Variants in LAMA2 observed in about 807,000 individuals in gnomAD.
LAMA2 encodes laminin subunit alpha 2.
Under a neutral mutation model 364.8 loss-of-function variants are expected in LAMA2, and 269 were observed. That is an observed-to-expected ratio of 0.74 (90% CI 0.67 to 0.82). The LOEUF (loss-of-function observed/expected upper bound fraction) is 0.82. Among genes scored for constraint, LAMA2 ranks in the 40% least tolerant of loss-of-function variants. The pLI, the probability that LAMA2 is intolerant of heterozygous loss-of-function variation, is 0.00. For missense variants in LAMA2, 3,807 were observed against 3,873.2 expected (o/e 0.98, Z 0.45); for synonymous variants, 1,379 against 1,370.6 (o/e 1.01, Z -0.14).
chr6:129,418,094 A>G (rs1405595015), intron 40 of LAMA2, among the ~76,000 whole-genome samples: 1 of 152,102 alleles, frequency 6.6e-6, no homozygotes. Flanking sequence ...ACAGGCTGAC[A>G]CTGCCATTAC....
rs121913577 is a variant in LAMA2 at position 129,297,729 on chromosome 6, C to A, written c.2901C>A (p.Cys967Ter). The A allele has an allele frequency of 4.3e-6, 7 of 1,614,108 alleles. No homozygotes were observed. The highest frequency in any genetic ancestry group is 5.9e-6 in the Non-Finnish European group (7 of 1,179,988). Residue 967 changes from cysteine (C) to a stop codon, truncating the protein, a stop_gained, in exon 21 of 65, where the codon TGC becomes TGA. Transcript: ENST00000421865. LOFTEE classifies it high-confidence loss of function. ...AATCAGCAAGGGGCTGTGTTCCCTG[C>A]AACTGCAATTCTTTTGGGTCTAAGT... is the stretch of plus-strand genomic sequence containing the variant. ...GLQSARGCVP[C>*]NCNSFGSKSF...
chr6:129,017,123 TTAAAA>T (rs1785129744), intron 1 of LAMA2, among the ~76,000 whole-genome samples: 2 of 152,070 alleles, frequency 1.3e-5, no homozygotes, highest in African/African-American at 4.8e-5. Context: ...ACTTAAAGAA[TTAAAA>T]TAAAACTCTT....
chr6:129,288,869 A>G (rs928605644), intron 19 of LAMA2, among the ~76,000 whole-genome samples: 1 of 152,192 alleles, frequency 6.6e-6, no homozygotes, highest in African/African-American at 2.4e-5. Context: ...ATGTTTAAGC[A>G]GAGTAGGTTA....
chr6:129,146,834 G>A (rs908225247), intron 5 of LAMA2, 125 bp from the exon 6 acceptor site: 2 of 738,186 alleles, frequency 2.7e-6, no homozygotes, highest in Non-Finnish European at 4.9e-6. Flanking sequence ...TTGTCCTCAA[G>A]AAACACAAAT....
intron 29 of LAMA2, among the ~76,000 whole-genome samples, chr6:129,328,956 C>T (rs1775463072): frequency 6.6e-6 from 1 of 152,060 alleles, no homozygotes; most frequent in African/African-American, 2.4e-5. Context: ...TTTGGATGTC[C>T]CATAATTTAC....
At chr6:129,354,185 A>T (rs1777025893) in intron 32 of LAMA2, among the ~76,000 whole-genome samples, 1 of 152,182 alleles carries the variant, frequency 6.6e-6, no homozygotes, top group African/African-American at 2.4e-5. Flanking sequence ...GTTTGAGTCT[A>T]AATCTTAATA....
chr6:129,042,541 C>T (rs1045351770), intron 1 of LAMA2, among the ~76,000 whole-genome samples: 1 of 151,522 alleles, frequency 6.6e-6, no homozygotes, highest in Admixed American at 6.6e-5. Context: ...TAAATTATCA[C>T]CCCGTGTAAC....
intron 16 of LAMA2, among the ~76,000 whole-genome samples, chr6:129,270,001 G>A (rs553327461): frequency 6.6e-6 from 1 of 152,164 alleles, no homozygotes; most frequent in Admixed American, 6.6e-5. Flanking sequence ...AAATTGGCAC[G>A]TGATGTTTAA....
At chr6:129,163,528 G>A (rs866581740) in intron 8 of LAMA2, among the ~76,000 whole-genome samples, 1 of 152,102 alleles carries the variant, frequency 6.6e-6, no homozygotes, top group South Asian at 2.1e-4. Flanking sequence ...CACCTACTCA[G>A]GAGACTGAGG....
chr6:128,916,292 C>A (rs925350037), intron 1 of LAMA2, among the ~76,000 whole-genome samples: 2 of 152,130 alleles, frequency 1.3e-5, no homozygotes, highest in Non-Finnish European at 2.9e-5. Context: ...TTAGTCCTTG[C>A]CAATTTTTTT....
intron 4 of LAMA2, among the ~76,000 whole-genome samples, chr6:129,109,558 T>C (rs1776021845): frequency 6.6e-6 from 1 of 152,004 alleles, no homozygotes; most frequent in Non-Finnish European, 1.5e-5. Context: ...AATTATATTT[T>C]TGGAACATAG....
chr6:129,511,041 A>G (rs1269354016), intron 62 of LAMA2, among the ~76,000 whole-genome samples: 4 of 152,102 alleles, frequency 2.6e-5, no homozygotes, highest in Non-Finnish European at 5.9e-5. Context: ...TTGACTTGCC[A>G]TCCTGCCTGG....
At chr6:129,128,758 G>A (rs1164788170) in intron 4 of LAMA2, among the ~76,000 whole-genome samples, 1 of 151,956 alleles carries the variant, frequency 6.6e-6, no homozygotes, top group Non-Finnish European at 1.5e-5. Flanking sequence ...CTTTTTTATA[G>A]CTATTGTAAA....
At chr6:128,987,977 T>A (rs1783372291) in intron 1 of LAMA2, among the ~76,000 whole-genome samples, 2 of 152,128 alleles carry the variant, frequency 1.3e-5, no homozygotes, top group South Asian at 4.1e-4. Flanking sequence ...TGGATTCAAG[T>A]GATTCTCCTC....
intron 12 of LAMA2, among the ~76,000 whole-genome samples, chr6:129,205,408 AAAG>A (rs1388340221): frequency 6.6e-6 from 1 of 151,012 alleles, no homozygotes; most frequent in African/African-American, 2.4e-5. Context: ...AAAAAAGAAA[AAAG>A]AAAAAAAAAT....
rs145044739 is a variant in LAMA2, at chr6:129,133,171, G to C, written c.640-10730G>C. ...ATCATTTATGAAAATATACAATTTT[G>C]TTCTGCAAAATAATTTAATTTTTTA... On this transcript the variant is annotated intron_variant, in intron 4 of 64. Transcript: ENST00000421865. Among the ~76,000 whole-genome samples, 321 of 152,272 alleles carry C rather than the reference G, an allele frequency of 2.1e-3. 2 individuals are homozygous for C. Among genetic ancestry groups the C allele is most frequent in the African/African-American group, 7.5e-3 (310 of 41,558 alleles).
At chr6:129,226,465 G>T (rs1250931970) in intron 12 of LAMA2, among the ~76,000 whole-genome samples, 2 of 152,164 alleles carry the variant, frequency 1.3e-5, no homozygotes, top group African/African-American at 2.4e-5. Context: ...TGCAGTGGCT[G>T]GTACTGGTTG....
intron 1 of LAMA2, among the ~76,000 whole-genome samples, chr6:128,919,938 A>G (rs1778585134): frequency 6.6e-6 from 1 of 152,134 alleles, no homozygotes; most frequent in African/African-American, 2.4e-5. Flanking sequence ...CACCTTATTT[A>G]TAATGTACCT....
Position 129,022,866 on chromosome 6 carries a change from A to T in LAMA2, c.113-27052A>T, listed in dbSNP as rs74834310. Reference sequence around the variant, plus strand: ...CCCAAAAGTAATGGGAATTTTAAAAATTATTTAGTGTTTCCAGTTTAGATA... The same window carrying T: ...CCCAAAAGTAATGGGAATTTTAAAATTTATTTAGTGTTTCCAGTTTAGATA... On this transcript the variant is annotated intron_variant, in intron 1 of 64. Coordinates refer to ENST00000421865, the MANE Select transcript of LAMA2 (RefSeq NM_000426.4). 7.2e-3 allele frequency among the ~76,000 whole-genome samples: 1,097 copies of T among 152,272 alleles called. 13 individuals carry two copies. The highest frequency in any genetic ancestry group is 0.025 in the African/African-American group (1,037 of 41,554).
Sources: gnomAD v4.1 joint callset for allele counts (sites outside exome capture counted in the v4.1 genomes callset) on GRCh38, gnomAD v4.1.1 for gene constraint, MANE v1.5 for transcripts, NCBI Gene and HGNC (gene_info 2026-07-23, HGNC 2026-07-21) for gene names.